The following GP6 variants were observed in gnomAD, a reference collection of about 807,000 sequenced individuals.
The protein encoded by GP6 is glycoprotein VI platelet, also known as platelet glycoprotein VI.
Under a neutral mutation model 37.3 loss-of-function variants are expected in GP6, and 45 were observed. That is an observed-to-expected ratio of 1.21 (90% CI 0.95 to 1.55). The LOEUF (loss-of-function observed/expected upper bound fraction) is 1.55. Among genes scored for constraint, GP6 ranks in the 40% most tolerant of loss-of-function variants. The pLI, the probability that GP6 is intolerant of heterozygous loss-of-function variation, is 0.00. For synonymous variants in GP6, 340 were observed against 316.4 expected (o/e 1.07, Z -0.79); for missense variants, 813 against 760.2 (o/e 1.07, Z -0.82).
chr19:55,025,293 T>A, intron 4 of GP6, 22 bp from the exon 5 acceptor site: 1 of 1,490,390 alleles, frequency 6.7e-7, no homozygotes, highest in South Asian at 1.2e-5. Context: ...GAAAATGAGA[T>A]AAATCTGTGC....
intron 3 of GP6, among the ~76,000 whole-genome samples, chr19:55,029,402 T>C (rs1387290558): frequency 1.3e-5 from 1 of 79,796 alleles, no homozygotes; most frequent in East Asian, 4.3e-4. Flanking sequence ...TTTTTTTTTT[T>C]TTTTGGGAAA....
In GP6 at chr19:55,032,450, G is replaced by A. The variant is rs937978607; in HGVS notation, c.68-54C>T. 45 of 1,612,620 alleles carry A rather than the reference G, an allele frequency of 2.8e-5. 1 individual carries two copies. Among genetic ancestry groups the A allele is most frequent in the Admixed American group, 1.2e-4 (7 of 59,812 alleles). On this transcript the variant is annotated intron_variant, in intron 2 of 7. Coordinates refer to ENST00000310373, the MANE Select transcript of GP6 (RefSeq NM_001083899.2). The stretch of plus-strand genomic sequence containing the variant: ...TCCCCGCAGACCCCGCCTGGACCCC[G>A]CTGCTCCCGCGCTGGCGGATCCCGC...
At chr19:55,021,560 G>A (rs1439394535) in intron 5 of GP6, among the ~76,000 whole-genome samples, 12 of 121,142 alleles carry the variant, frequency 9.9e-5, no homozygotes, top group East Asian at 2.6e-4. Context: ...TTGCTCTGTC[G>A]CCCAGGCTGG....
intron 2 of GP6, 51 bp from the exon 3 acceptor site, chr19:55,032,447 C>T (rs1458882867): frequency 6.2e-7 from 1 of 1,612,504 alleles, no homozygotes; most frequent in Non-Finnish European, 8.5e-7. Flanking sequence ...CCGCCTGGAC[C>T]CCGCTGCTCC....
At chr19:55,029,354 ATATATATATATATATATATATTTTTTT>A (rs1568628935) in intron 3 of GP6, among the ~76,000 whole-genome samples, 2 of 2,580 alleles carry the variant, frequency 7.8e-4, no homozygotes, top group African/African-American at 1.5e-3. Flanking sequence ...ATATATATAT[ATATATATATATATATATATATTTTTTT>A]TTTTTTTTTT....
intron 3 of GP6, among the ~76,000 whole-genome samples, chr19:55,029,356 ATATATATATATATATATATTTTTTTTTTT>A (rs1568628988): frequency 6.1e-3 from 16 of 2,608 alleles, no homozygotes; most frequent in South Asian, 0.023. Flanking sequence ...ATATATATAT[ATATATATATATATATATATTTTTTTTTTT>A]TTTTTTTTTT....
At chr19:55,023,802 A>C (rs1366813620) in intron 5 of GP6, among the ~76,000 whole-genome samples, 1 of 152,366 alleles carries the variant, frequency 6.6e-6, no homozygotes, top group Middle Eastern at 3.4e-3. Context: ...GATGGGCCTC[A>C]GGGGCATTGC....
In GP6 at chr19:55,027,784, T is replaced by G. The variant is rs764938362; in HGVS notation, c.404A>C (p.Gln135Pro). The G allele has an allele frequency of 1.2e-6, 2 of 1,613,846 alleles. No individual in the cohort carries two copies. Among genetic ancestry groups the G allele is most frequent in the African/African-American group, 1.3e-5 (1 of 74,934 alleles). The change falls in exon 4 of 8, where the codon CAG becomes CCG. Residue 135 changes from glutamine to proline, a missense_variant. Gln to Pro is a moderately conservative substitution (Grantham distance 76). Coordinates refer to ENST00000310373, the MANE Select transcript of GP6 (RefSeq NM_001083899.2). The stretch of plus-strand genomic sequence containing the variant: ...AAATTGGTCAAAGCCATACCGAGTC[T>G]GACACTGTAGGGTTACGTCCCCTCC...
chr19:55,019,113 T>TC (rs1278281760), intron 5 of GP6, among the ~76,000 whole-genome samples: 2 of 149,256 alleles, frequency 1.3e-5, no homozygotes, highest in East Asian at 3.9e-4. Context: ...TTTTCTTTTT[T>TC]TTTTTTTTTT....
Position 55,032,146 on chromosome 19 carries a change from A to G in GP6, c.318T>C (p.Val106=), listed in dbSNP as rs567724105. 6.2e-6 allele frequency: 10 copies of G among 1,613,814 alleles called. No individual in the cohort carries two copies. The highest frequency in any genetic ancestry group is 3.3e-5 in the Admixed American group (2 of 60,010). The change falls in exon 3 of 8, where the codon GTT becomes GTC. Residue 106 remains valine (V), a synonymous_variant. Transcript: ENST00000310373. Reference sequence around the variant, plus strand: ...CGATCCCCCTTCCTTTACCCGTGGCAACGAGCTCCAGCTGGTCGCTGGGCA... The same window carrying G: ...CGATCCCCCTTCCTTTACCCGTGGCGACGAGCTCCAGCTGGTCGCTGGGCA...
chr19:55,021,729 C>T (rs1167799069), intron 5 of GP6, among the ~76,000 whole-genome samples: 3 of 151,934 alleles, frequency 2.0e-5, no homozygotes, highest in Non-Finnish European at 4.4e-5. Flanking sequence ...ACCGTGTTAG[C>T]CAGGATGGTC....
rs1180011372 is a variant in GP6 at position 55,027,813 on chromosome 19, C to T, written c.375G>A (p.Ser125=). 1 of 1,614,146 alleles carries T rather than the reference C, an allele frequency of 6.2e-7. No individual in the cohort carries two copies. Among genetic ancestry groups the T allele is most frequent in the South Asian group, 1.1e-5 (1 of 91,086 alleles). The change falls in exon 4 of 8, where the codon TCG becomes TCA. Residue 125 remains serine (S), a synonymous_variant. Transcript: ENST00000310373. The stretch of plus-strand genomic sequence containing the variant: ...ACTGTAGGGTTACGTCCCCTCCTGA[C>T]GACACCGCCGGGCCGGGCTGGGCTG...
chr19:55,016,875 G>A (rs1263206293), intron 6 of GP6, among the ~76,000 whole-genome samples: 1 of 151,674 alleles, frequency 6.6e-6, no homozygotes, highest in African/African-American at 2.4e-5. Flanking sequence ...GGCCAACATG[G>A]TGAAACCCCG....
intron 1 of GP6, among the ~76,000 whole-genome samples, chr19:55,034,075 TA>T (rs2074716933): frequency 6.6e-6 from 1 of 152,000 alleles, no homozygotes; most frequent in African/African-American, 2.4e-5. Flanking sequence ...CCTACATCTA[TA>T]CATACATGTG....
chr19:55,034,150 A>ATGTGTG (rs61435060), intron 1 of GP6, among the ~76,000 whole-genome samples: 3,187 of 149,208 alleles, frequency 0.021, 78 homozygotes, highest in African/African-American at 0.05. Flanking sequence ...ATATGTATGC[A>ATGTGTG]TGTGTGTGTG....
intron 6 of GP6, 121 bp downstream of exon 6, chr19:55,018,531 T>C: frequency 1.3e-6 from 1 of 787,928 alleles, no homozygotes; most frequent in South Asian, 1.3e-5. Flanking sequence ...CACCAAGGAC[T>C]TTCTTGGTAA....
At chr19:55,032,790 C>CT in intron 1 of GP6, 2 of 615,490 alleles carry the variant, frequency 3.2e-6, no homozygotes, top group Non-Finnish European at 5.8e-6. Context: ...AGATCCATGG[C>CT]TGGGGGTGGT....
Position 55,014,903 on chromosome 19 carries a change from G to A in GP6, c.1042C>T (p.Arg348Trp), listed in dbSNP as rs765312634. 24 of 1,613,574 alleles carry A rather than the reference G, an allele frequency of 1.5e-5. No homozygotes were observed. The highest frequency in any genetic ancestry group is 1.1e-4 in the East Asian group (5 of 44,890). ...CATGATCCCTCCCTTGGATACGACC[G>A]TGCCTGGGGTTCAGCGGTCATGAAC... The change falls in exon 8 of 8, where the codon CGG (arginine) becomes TGG (tryptophan). Residue 348 changes from arginine (R) to tryptophan (W), a missense_variant. Physicochemically the swap from Arg to Trp is moderately radical, Grantham distance 101 (BLOSUM62 -3). Transcript: ENST00000310373.
intron 1 of GP6, among the ~76,000 whole-genome samples, chr19:55,034,796 G>A (rs1378838987): frequency 6.6e-6 from 1 of 151,980 alleles, no homozygotes; most frequent in East Asian, 1.9e-4. Flanking sequence ...ACTGGGCAGA[G>A]GCCAAGCAAC....
Sources: allele counts gnomAD v4.1 joint callset (sites outside exome capture counted in the v4.1 genomes callset), GRCh38; gene constraint gnomAD v4.1.1; transcripts MANE v1.5; gene names NCBI Gene and HGNC (gene_info 2026-07-23, HGNC 2026-07-21).